The following NFATC2 variants were observed in gnomAD, a reference collection of about 807,000 sequenced individuals.
NFATC2 encodes nuclear factor of activated T cells 2, also known as nuclear factor of activated T-cells, cytoplasmic 2.
In NFATC2, 22 loss-of-function variants were observed where a neutral mutation model predicts 87.3. The ratio of observed to expected loss-of-function variants is 0.25; its 90% CI spans 0.18 to 0.36. The LOEUF (loss-of-function observed/expected upper bound fraction) is 0.36, where lower values mean the gene tolerates loss of function less well. Among genes scored for constraint, NFATC2 ranks in the 10% least tolerant of loss-of-function variants. The probability of loss-of-function intolerance (pLI) is 1.00; values close to 1 mark genes in which losing one functional copy is unlikely to be tolerated. For synonymous variants in NFATC2, 565 were observed against 542.2 expected (o/e 1.04, Z -0.58); for missense variants, 1,149 against 1,259.1 (o/e 0.91, Z 1.32).
At chr20:51,517,161 A>G (rs1369489520) in intron 2 of NFATC2, among the ~76,000 whole-genome samples, 6 of 152,128 alleles carry the variant, frequency 3.9e-5, no homozygotes, top group Admixed American at 3.9e-4. Flanking sequence ...ACATACCTAC[A>G]CTATATGGTA....
chr20:51,408,126 C>T (rs903553308), intron 9 of NFATC2, among the ~76,000 whole-genome samples: 11 of 152,136 alleles, frequency 7.2e-5, no homozygotes, highest in Non-Finnish European at 1.3e-4. Context: ...GTGGCAGGGT[C>T]GGTGGCTGGG....
At chr20:51,409,299 C>T (rs1199006631) in intron 9 of NFATC2, among the ~76,000 whole-genome samples, 1 of 152,156 alleles carries the variant, frequency 6.6e-6, no homozygotes, top group Non-Finnish European at 1.5e-5. Flanking sequence ...CCAGACAGCA[C>T]TGCCTGTAAC....
At chr20:51,546,190 C>G (rs1211579095), upstream of NFATC2, among the ~76,000 whole-genome samples, 2 of 152,164 alleles carry the variant, frequency 1.3e-5, no homozygotes, top group Non-Finnish European at 1.5e-5. Flanking sequence ...TCCCTCTGAA[C>G]AGTGGATATA....
At chr20:51,396,778 T>TCAGGATGCATGAAC (rs1987211762) in intron 10 of NFATC2, among the ~76,000 whole-genome samples, 1 of 152,008 alleles carries the variant, frequency 6.6e-6, no homozygotes, top group Admixed American at 6.6e-5. Context: ...CATGCTTGGG[T>TCAGGATGCATGAAC]CAGGATGCAT....
At chr20:51,475,862 T>C (rs1220294427) in intron 3 of NFATC2, among the ~76,000 whole-genome samples, 1 of 152,194 alleles carries the variant, frequency 6.6e-6, no homozygotes, top group African/African-American at 2.4e-5. Flanking sequence ...CCTCTAATGC[T>C]GAATATTAAG....
In NFATC2 at chr20:51,391,021, A is replaced by AT; in HGVS notation, c.*474_*475insA. 1 of 378,078 alleles carries AT rather than the reference A, an allele frequency of 2.6e-6. No individual in the cohort carries two copies. The highest frequency in any genetic ancestry group is 2.2e-5 in the South Asian group (1 of 45,310). 23.4% of individuals were successfully genotyped at this position (378,078 alleles called of 1,614,324 possible). ...AAAACGAACGCAAGGGCTGGGGTTT[A>AT]ATCACAGTGCCCACATCTTCTGTCC... On this transcript the variant is annotated 3_prime_UTR_variant, in exon 11 of 11. Coordinates refer to ENST00000371564, the MANE Select transcript of NFATC2 (RefSeq NM_012340.5).
At chr20:51,477,841 T>A (rs1988889144) in intron 3 of NFATC2, among the ~76,000 whole-genome samples, 1 of 151,980 alleles carries the variant, frequency 6.6e-6, no homozygotes, top group South Asian at 2.1e-4. Context: ...AATTGTGCAA[T>A]CTAATGCAAG....
At position 51,443,640 on chromosome 20, in the gene NFATC2, C is replaced by A. The variant is rs1364953170; in HGVS notation, c.1850-7879G>T. ...CCAGAAGTTCCGTATAATCCACCTC[C>A]CAACCCACACCTTGGGTCTGGGACT... On this transcript the variant is annotated intron_variant, in intron 6 of 10. Coordinates refer to ENST00000371564, the MANE Select transcript of NFATC2 (RefSeq NM_012340.5). Among the ~76,000 whole-genome samples the A allele has an allele frequency of 3.3e-5, 5 of 152,176 alleles. No individual in the cohort carries two copies. In the East Asian group the frequency reaches 9.7e-4, roughly 29 times the overall value.
upstream of NFATC2, among the ~76,000 whole-genome samples, chr20:51,543,120 C>T (rs542348992): frequency 4.5e-4 from 69 of 152,268 alleles, no homozygotes; most frequent in South Asian, 1.7e-3. Flanking sequence ...CAGGCGTCTC[C>T]GTGTGCCCAC....
At chr20:51,412,725 C>T (rs761425519) in intron 9 of NFATC2, among the ~76,000 whole-genome samples, 3 of 152,112 alleles carry the variant, frequency 2.0e-5, no homozygotes, top group Non-Finnish European at 2.9e-5. Context: ...GCTGGGTCCA[C>T]GGGGATGCTA....
Position 51,390,536 on chromosome 20 carries a change from T to C in NFATC2, c.*960A>G, listed in dbSNP as rs1282075030. On this transcript the variant is annotated 3_prime_UTR_variant, in exon 11 of 11. Coordinates refer to ENST00000371564, the MANE Select transcript of NFATC2 (RefSeq NM_012340.5). ...GCCGGAACCTTGCAAAGCATCCAGG[T>C]TGTACAGCTGCAGCAGACAGGTGCT... The C allele has an allele frequency of 6.6e-6, 1 of 152,206 alleles. No individual in the cohort carries two copies. Among genetic ancestry groups the C allele is most frequent in the Non-Finnish European group, 1.5e-5 (1 of 68,050 alleles). 9.4% of individuals were successfully genotyped at this position (152,206 alleles called of 1,614,324 possible).
intron 1 of NFATC2, among the ~76,000 whole-genome samples, chr20:51,559,069 C>T (rs965337484): frequency 6.6e-6 from 1 of 152,170 alleles, no homozygotes; most frequent in African/African-American, 2.4e-5. Context: ...GGCTTGCAAG[C>T]TGGAGGGGCT....
intron 1 of NFATC2, among the ~76,000 whole-genome samples, chr20:51,541,151 A>T (rs2076810259): frequency 6.6e-6 from 1 of 152,290 alleles, no homozygotes; most frequent in African/African-American, 2.4e-5. Context: ...GATGGAAGCG[A>T]AAACTTCATT....
chr20:51,473,529 G>A (rs945993159), intron 5 of NFATC2, among the ~76,000 whole-genome samples: 1 of 152,246 alleles, frequency 6.6e-6, no homozygotes, highest in African/African-American at 2.4e-5. Context: ...ATACTCATGC[G>A]GAGCACTTCA....
chr20:51,524,233 A>G lies in NFATC2; in HGVS notation c.131-123T>C. The stretch of plus-strand genomic sequence containing the variant: ...TTTTTTTCAAATTCCCACCATGCCA[A>G]ACCCCAAGCTAGAAGCTCCGTCCCT... On this transcript the variant is annotated intron_variant, in intron 1 of 10. Coordinates refer to ENST00000371564, the MANE Select transcript of NFATC2 (RefSeq NM_012340.5). This position sits in a 1 kb window ranked among gnomAD's most constrained non-coding sequence, Gnocchi z 4.0. 1.1e-6 allele frequency: 1 copy of G among 909,662 alleles called. No homozygotes were observed. Among genetic ancestry groups the G allele is most frequent in the Non-Finnish European group, 1.5e-6 (1 of 671,828 alleles). The allele number at this position is 909,662 out of a possible 1,614,324, so 56.3% of individuals were successfully genotyped here. A position where few individuals can be genotyped will look rare whatever the true frequency, so the allele number is the denominator to read the frequency against.
chr20:51,404,697 T>C (rs534570964), intron 9 of NFATC2, among the ~76,000 whole-genome samples: 1 of 152,340 alleles, frequency 6.6e-6, no homozygotes, highest in African/African-American at 2.4e-5. Flanking sequence ...ATTTCTGCAT[T>C]TTCAGAATGG....
chr20:51,486,478 G>A (rs1381518096), intron 3 of NFATC2, among the ~76,000 whole-genome samples: 2 of 152,122 alleles, frequency 1.3e-5, no homozygotes, highest in Non-Finnish European at 2.9e-5. Context: ...GGCCCTCCCT[G>A]GGTAGCCTGG....
rs1280149789 is a variant in NFATC2 at position 51,524,679 on chromosome 20, C to T, written c.131-569G>A. 6.6e-6 allele frequency among the ~76,000 whole-genome samples: 1 copy of T among 152,176 alleles called. No individual in the cohort carries two copies. Among genetic ancestry groups the T allele is most frequent in the African/African-American group, 2.4e-5 (1 of 41,440 alleles). ...GAGGCTGCGCAGACTCTGCAGCCCA[C>T]AGTGCCCTGGGCTTCAATCCCAGAT... On this transcript the variant is annotated intron_variant, in intron 1 of 10. Coordinates refer to ENST00000371564, the MANE Select transcript of NFATC2 (RefSeq NM_012340.5). The surrounding 1 kb of genome is among the most constrained non-coding windows in gnomAD (Gnocchi z 4.0).
chr20:51,444,229 G>A (rs575085900), intron 6 of NFATC2, among the ~76,000 whole-genome samples: 52 of 152,096 alleles, frequency 3.4e-4, no homozygotes, highest in Non-Finnish European at 7.4e-5. Context: ...TGATCCGCCC[G>A]CCTTGGCCTC....
Sources: allele counts gnomAD v4.1 joint callset (sites outside exome capture counted in the v4.1 genomes callset), GRCh38; gene constraint gnomAD v4.1.1; non-coding constraint Gnocchi (gnomAD v3.1); transcripts MANE v1.5; gene names NCBI Gene and HGNC (gene_info 2026-07-23, HGNC 2026-07-21).